The following DDX31 variants were observed in gnomAD, a reference collection of about 807,000 sequenced individuals.
DDX31 encodes DEAD-box helicase 31.
DDX31 carries 70 observed loss-of-function variants against 91.3 expected under a neutral mutation model. The ratio of observed to expected loss-of-function variants is 0.77; its 90% CI spans 0.63 to 0.94. The LOEUF (loss-of-function observed/expected upper bound fraction) is 0.94. Among genes scored for constraint, DDX31 ranks in the 40% least tolerant of loss-of-function variants. The probability of loss-of-function intolerance (pLI) is 0.00; values close to 1 mark genes in which losing one functional copy is unlikely to be tolerated. For synonymous variants in DDX31, 362 were observed against 350.6 expected, an observed-to-expected ratio of 1.03 and a Z score of -0.36; for missense variants, 902 against 925.0, an observed-to-expected ratio of 0.98 and a Z score of 0.32.
chr9:132,650,288 C>A lies in DDX31; in HGVS notation c.686G>T (p.Trp229Leu), dbSNP rs1436230995. Residue 229 changes from tryptophan (W) to leucine (L), a missense_variant, in exon 9 of 20, where the codon TGG becomes TTG. Trp to Leu is a moderately conservative substitution (Grantham distance 61). Transcript: ENST00000372159. ...TCCCATTAACACTCCAGGCACAATCCAGGTGAAAGGCTACAGAAAGACAGC... is the reference window on the plus strand; with the variant it reads ...TCCCATTAACACTCCAGGCACAATCAAGGTGAAAGGCTACAGAAAGACAGC... ...TVQKLLKPFT[W>L]IVPGVLMGGE... 6.2e-7 allele frequency: 1 copy of A among 1,614,144 alleles called. No homozygotes were observed.
chr9:132,667,738 C>T (rs150517157), intron 1 of DDX31, among the ~76,000 whole-genome samples: 1 of 152,126 alleles, frequency 6.6e-6, no homozygotes, highest in Non-Finnish European at 1.5e-5. Flanking sequence ...CTCAATGCTT[C>T]TTATGTGTTA....
chr9:132,600,694 C>T (rs1056521740), intron 19 of DDX31, among the ~76,000 whole-genome samples: 1 of 152,180 alleles, frequency 6.6e-6, no homozygotes, highest in Non-Finnish European at 1.5e-5. Context: ...ACTATTTAGC[C>T]CAGGTGACCA....
chr9:132,620,490 A>C (rs569628369), intron 17 of DDX31, among the ~76,000 whole-genome samples: 1 of 152,108 alleles, frequency 6.6e-6, no homozygotes, highest in East Asian at 1.9e-4. Flanking sequence ...GAAAAAAAAA[A>C]CAGGATAGAA....
chr9:132,618,559 G>A, intron 17 of DDX31, 118 bp from the exon 18 acceptor site: 1 of 729,096 alleles, frequency 1.4e-6, no homozygotes, highest in Non-Finnish European at 2.1e-6. Flanking sequence ...GGCCAACAAG[G>A]GTAATCCTTT....
At chr9:132,629,081 C>T (rs1832572301) in intron 16 of DDX31, among the ~76,000 whole-genome samples, 1 of 152,234 alleles carries the variant, frequency 6.6e-6, no homozygotes. Context: ...AAAGAGAGGC[C>T]AGCCAGCCTC....
At chr9:132,639,040 G>A (rs546932533) in intron 14 of DDX31, among the ~76,000 whole-genome samples, 7 of 152,166 alleles carry the variant, frequency 4.6e-5, no homozygotes, top group African/African-American at 1.4e-4. Context: ...AGTGGCCCTC[G>A]TTCCTCATTA....
At chr9:132,639,753 T>C (rs1271957895) in intron 14 of DDX31, among the ~76,000 whole-genome samples, 2 of 152,234 alleles carry the variant, frequency 1.3e-5, no homozygotes, top group African/African-American at 2.4e-5. Context: ...AGTGTTTGCA[T>C]ACTAGGAGAC....
intron 6 of DDX31, among the ~76,000 whole-genome samples, chr9:132,656,701 T>A (rs1590091272): frequency 6.6e-6 from 1 of 152,170 alleles, no homozygotes; most frequent in Non-Finnish European, 1.5e-5. Flanking sequence ...TCTCTCATCC[T>A]CCAGTCATGG....
chr9:132,638,506 G>C, intron 14 of DDX31: 1 of 1,203,092 alleles, frequency 8.3e-7, no homozygotes, highest in South Asian at 1.4e-5. Flanking sequence ...ACTTAACTTG[G>C]CTTTTTCTTA....
At chr9:132,611,519 T>C (rs1436337457) in intron 19 of DDX31, among the ~76,000 whole-genome samples, 1 of 151,988 alleles carries the variant, frequency 6.6e-6, no homozygotes, top group Non-Finnish European at 1.5e-5. Flanking sequence ...TACCCCTCCC[T>C]CTCCTTCCTC....
chr9:132,619,567 G>A (rs993774688), intron 17 of DDX31, among the ~76,000 whole-genome samples: 1 of 152,180 alleles, frequency 6.6e-6, no homozygotes, highest in African/African-American at 2.4e-5. Flanking sequence ...CTGGATCGAC[G>A]TTCATCTCTA....
chr9:132,622,583 G>T (rs1832109392), intron 17 of DDX31, among the ~76,000 whole-genome samples: 1 of 152,174 alleles, frequency 6.6e-6, no homozygotes, highest in Non-Finnish European at 1.5e-5. Context: ...CTGCACTCGG[G>T]GATAAAGACT....
chr9:132,653,535 A>T (rs1384742723), intron 6 of DDX31, among the ~76,000 whole-genome samples: 22 of 134,152 alleles, frequency 1.6e-4, no homozygotes, highest in Non-Finnish European at 3.4e-4. Flanking sequence ...AAAAAAAAAA[A>T]TTTCAACAGC....
At chr9:132,600,207 T>A (rs1311527295) in intron 19 of DDX31, among the ~76,000 whole-genome samples, 1 of 152,242 alleles carries the variant, frequency 6.6e-6, no homozygotes, top group East Asian at 1.9e-4. Flanking sequence ...GTATCTAGAC[T>A]CTTTCAACCT....
At chr9:132,665,317 T>C (rs939221529) in intron 1 of DDX31, among the ~76,000 whole-genome samples, 1 of 152,232 alleles carries the variant, frequency 6.6e-6, no homozygotes, top group African/African-American at 2.4e-5. Context: ...CATTTAGCAG[T>C]TGTCAAGAAG....
intron 18 of DDX31, among the ~76,000 whole-genome samples, chr9:132,612,587 G>T (rs541650603): frequency 2.0e-5 from 3 of 152,324 alleles, no homozygotes; most frequent in Non-Finnish European, 2.9e-5. Flanking sequence ...GATGTCTGTT[G>T]TGTAAATGAG....
intron 3 of DDX31, 109 bp downstream of exon 3, chr9:132,662,152 G>A (rs1834998957): frequency 9.0e-7 from 1 of 1,110,430 alleles, no homozygotes; most frequent in Non-Finnish European, 1.3e-6. Context: ...ACTTAGAGCA[G>A]AAACAAACAC....
At chr9:132,667,003 G>A (rs1439942925) in intron 1 of DDX31, among the ~76,000 whole-genome samples, 1 of 150,838 alleles carries the variant, frequency 6.6e-6, no homozygotes, top group African/African-American at 2.4e-5. Flanking sequence ...GTGAGCCACT[G>A]CGCCAAGCCT....
In DDX31 at chr9:132,669,947, T is replaced by G; in HGVS notation, c.-13A>C. ...CGGCGGCTGCCATGGTCTGCGTGGGTGACGCGTGGTGCAGCAGCGAGCCCG... is the reference window on the plus strand; with the variant it reads ...CGGCGGCTGCCATGGTCTGCGTGGGGGACGCGTGGTGCAGCAGCGAGCCCG... On this transcript the variant is annotated 5_prime_UTR_variant, in exon 1 of 20. Transcript: ENST00000372159. The G allele has an allele frequency of 1.3e-6, 2 of 1,586,388 alleles. No homozygotes were observed. The highest frequency in any genetic ancestry group is 2.3e-5 in the South Asian group (2 of 87,116).
Sources: allele counts gnomAD v4.1 joint callset (sites outside exome capture counted in the v4.1 genomes callset), GRCh38; gene constraint gnomAD v4.1.1; transcripts MANE v1.5; gene names NCBI Gene and HGNC (gene_info 2026-07-23, HGNC 2026-07-21).